The following FAAP20 variants were observed in gnomAD, a reference collection of about 807,000 sequenced individuals.
FAAP20 encodes Fanconi anemia core complex-associated protein 20.
A neutral mutation model predicts 16.2 loss-of-function variants in FAAP20; 12 were observed. That is an observed-to-expected ratio of 0.74 (90% CI 0.48 to 1.20). The LOEUF is 1.20. Among genes scored for constraint, FAAP20 ranks in the 50% most tolerant of loss-of-function variants. The probability of loss-of-function intolerance (pLI) is 0.00; values close to 1 mark genes in which losing one functional copy is unlikely to be tolerated. For synonymous variants in FAAP20, 141 were observed against 110.7 expected (o/e 1.27, Z -1.72); for missense variants, 288 against 245.8 (o/e 1.17, Z -1.15).
chr1:2,205,966 G>T (rs1215656110), intron 3 of FAAP20, among the ~76,000 whole-genome samples: 1 of 152,268 alleles, frequency 6.6e-6, no homozygotes, highest in South Asian at 2.1e-4. Flanking sequence ...CCGAGCTCTC[G>T]GCAGGGATGG....
chr1:2,197,779 G>A (rs1481551030), upstream of FAAP20, among the ~76,000 whole-genome samples: 1 of 152,238 alleles, frequency 6.6e-6, no homozygotes, highest in Admixed American at 6.5e-5. Flanking sequence ...GGGGCAGTGG[G>A]GCAGGCCCCT....
intron 3 of FAAP20, among the ~76,000 whole-genome samples, chr1:2,204,975 C>T: frequency 8.9e-6 from 1 of 112,042 alleles, no homozygotes; most frequent in East Asian, 3.1e-4. Flanking sequence ...CCCCGGGCGC[C>T]ACGCGCCCCG....
upstream of FAAP20, chr1:2,199,260 C>T (rs1228786570): frequency 1.8e-6 from 2 of 1,120,322 alleles, no homozygotes; most frequent in Non-Finnish European, 2.2e-6. This position sits in a 1 kb window ranked among gnomAD's most constrained non-coding sequence, Gnocchi z 4.5. Context: ...GTATCCGGTT[C>T]ACACCCTCCC....
At chr1:2,211,415 ATATATATATATATATATATATTT>A (rs1411768759), downstream of FAAP20, among the ~76,000 whole-genome samples, 1 of 14,502 alleles carries the variant, frequency 6.9e-5, no homozygotes, top group Non-Finnish European at 1.1e-4. Context: ...ATATATATAT[ATATATATATATATATATATATTT>A]TTTTTTTTTT....
downstream of FAAP20, chr1:2,187,262 G>A (rs1687699938): frequency 2.4e-6 from 1 of 417,466 alleles, no homozygotes; most frequent in Non-Finnish European, 4.9e-6. Flanking sequence ...TTTCCAAGAA[G>A]CAAAGGTTTC....
chr1:2,192,156 G>C (rs559101161), intron 3 of FAAP20: 11 of 985,554 alleles, frequency 1.1e-5, no homozygotes, highest in Non-Finnish European at 1.3e-5. Context: ...CTCCCTGCTG[G>C]GGTCCTGTGC....
chr1:2,198,286 TGGG>T, upstream of FAAP20: 1 of 828,140 alleles, frequency 1.2e-6, no homozygotes, highest in Non-Finnish European at 1.7e-6. Flanking sequence ...ATCGAGTGGG[TGGG>T]GGCATCAGAG....
chr1:2,193,068 C>A (rs1196914882), intron 3 of FAAP20: 2 of 1,231,926 alleles, frequency 1.6e-6, no homozygotes, highest in Non-Finnish European at 2.1e-6. Context: ...AAGTTACGAA[C>A]CAGCATCATT....
chr1:2,204,825 C>T (rs921565347), upstream of FAAP20, among the ~76,000 whole-genome samples: 1 of 152,054 alleles, frequency 6.6e-6, no homozygotes, highest in African/African-American at 2.4e-5. Context: ...ACCTCAGACC[C>T]GAGCTAGCTC....
rs557547423 is a variant in FAAP20 at position 2,193,349 on chromosome 1, G to T, written c.470+290C>A. 7.5e-6 allele frequency: 4 copies of T among 533,608 alleles called. No homozygotes were observed. In the South Asian group the frequency reaches 1.1e-4, roughly 14 times the overall value. The allele number at this position is 533,608 out of a possible 1,614,324, so 33.1% of individuals were successfully genotyped here. A position where few individuals can be genotyped will look rare whatever the true frequency, so the allele number is the denominator to read the frequency against. ...GGGCCTGGGGACGCTGGTGCCACCAGATTCCAGGATGGCCAGGTGGACCCG... is the reference window on the plus strand; with the variant it reads ...GGGCCTGGGGACGCTGGTGCCACCATATTCCAGGATGGCCAGGTGGACCCG... On this transcript the variant is annotated intron_variant, in intron 3 of 3. Coordinates refer to ENST00000378546, the MANE Select transcript of FAAP20 (RefSeq NM_182533.4).
At chr1:2,211,011 G>A (rs925612961), downstream of FAAP20, among the ~76,000 whole-genome samples, 3 of 152,156 alleles carry the variant, frequency 2.0e-5, no homozygotes, top group East Asian at 1.9e-4. Context: ...TGTCTTGCCC[G>A]GGCTGGAGCC....
chr1:2,187,256 CA>C (rs1418950133), downstream of FAAP20: 1 of 434,482 alleles, frequency 2.3e-6, no homozygotes, highest in East Asian at 7.4e-5. Flanking sequence ...CAGGTGTTTC[CA>C]AGAAGCAAAG....
At chr1:2,211,226 CTTTTT>C (rs56294751), downstream of FAAP20, among the ~76,000 whole-genome samples, 1 of 101,140 alleles carries the variant, frequency 9.9e-6, no homozygotes, top group African/African-American at 4.6e-5. Context: ...TTCTTTCTTT[CTTTTT>C]TTTTTTTTTT....
chr1:2,207,797 G>A (rs1399358143), downstream of FAAP20: 1 of 152,404 alleles, frequency 6.6e-6, no homozygotes, highest in Non-Finnish European at 1.5e-5. Context: ...CCAGTGCGGC[G>A]GCCCTCCCCC....
chr1:2,190,815 G>C (rs1192035898), intron 3 of FAAP20: 2 of 231,988 alleles, frequency 8.6e-6, no homozygotes, highest in Non-Finnish European at 1.8e-5. Flanking sequence ...CCACCTGTCA[G>C]CCACACCGCC....
downstream of FAAP20, among the ~76,000 whole-genome samples, chr1:2,211,423 A>G (rs1390997179): frequency 1.0e-4 from 2 of 19,916 alleles, no homozygotes; most frequent in Admixed American, 1.4e-3. Flanking sequence ...ATATATATAT[A>G]TATATATATA....
intron 3 of FAAP20, chr1:2,190,213 G>A (rs1557776241): frequency 2.2e-6 from 1 of 462,014 alleles, no homozygotes; most frequent in Admixed American, 2.3e-5. Flanking sequence ...CTGGGCAGTG[G>A]ATGTGCAGCT....
At chr1:2,207,202 A>AGCTG (rs1249375282), downstream of FAAP20, among the ~76,000 whole-genome samples, 1 of 152,098 alleles carries the variant, frequency 6.6e-6, no homozygotes. Flanking sequence ...CTGCTGGCAG[A>AGCTG]GCTGGGTCCT....
downstream of FAAP20, chr1:2,184,838 G>A (rs984464391): frequency 2.1e-5 from 30 of 1,415,104 alleles, no homozygotes; most frequent in African/African-American, 7.1e-5. Flanking sequence ...GTTGGGGGAG[G>A]ATTCTTATGC....
Sources: gnomAD v4.1 joint callset for allele counts (sites outside exome capture counted in the v4.1 genomes callset) on GRCh38, gnomAD v4.1.1 for gene constraint, Gnocchi (gnomAD v3.1) non-coding constraint, MANE v1.5 for transcripts, NCBI Gene and HGNC (gene_info 2026-07-23, HGNC 2026-07-21) for gene names.